The following SON variants were observed in gnomAD, a reference collection of about 807,000 sequenced individuals.
SON encodes protein SON.
SON carries 4 observed loss-of-function variants against 173.3 expected under a neutral mutation model. The ratio of observed to expected loss-of-function variants is 0.02; its 90% CI spans 0.01 to 0.05. The LOEUF is 0.05. Ranked by LOEUF, SON falls within the 10% of genes least tolerant of loss-of-function variation. The pLI is 1.00. For synonymous variants in SON, 1,190 were observed against 1,105.9 expected (o/e 1.08, Z -1.51); for missense variants, 2,626 against 3,055.3 (o/e 0.86, Z 3.31).
rs772285626 is a variant in SON at position 33,554,207 on chromosome 21, T to C, written c.4976T>C (p.Leu1659Ser). The C allele has an allele frequency of 6.8e-6, 11 of 1,614,090 alleles. No homozygotes were observed. The African/African-American group carries it at 1.2e-4, about 18-fold the overall frequency. The change falls in exon 3 of 12, where the codon TTG becomes TCG. Residue 1659 changes from leucine to serine, a missense_variant. Physicochemically the swap from Leu to Ser is moderately radical, Grantham distance 145. Around this residue, in one of 13 missense-constraint regions of SON, gnomAD observed 1,006 missense variants for 895.6 expected, o/e 1.12. Coordinates refer to ENST00000356577, the MANE Select transcript of SON (RefSeq NM_138927.4). Reference sequence around the variant, plus strand: ...AGTGAAGCTGACATTGAAGGGCCTTTGCCTGCTAAAGATATTCATCTTGAT... The same window carrying C: ...AGTGAAGCTGACATTGAAGGGCCTTCGCCTGCTAAAGATATTCATCTTGAT... ...GGSEADIEGP[L>S]PAKDIHLDLP...
chr21:33,568,829 T>C (rs1049875135), intron 7 of SON, 142 bp from the exon 8 acceptor site: 14 of 556,962 alleles, frequency 2.5e-5, no homozygotes, highest in African/African-American at 2.5e-4. Context: ...CTTTAGAAAG[T>C]TTAGGCAAAC....
intron 2 of SON, among the ~76,000 whole-genome samples, chr21:33,547,801 G>A (rs749411120): frequency 1.5e-5 from 2 of 132,776 alleles, no homozygotes; most frequent in East Asian, 5.2e-4. Context: ...TGCAAGCTCC[G>A]CCTCCCGGGT....
In SON at chr21:33,552,976, C is replaced by A; in HGVS notation, c.3745C>A (p.Pro1249Thr). The change falls in exon 3 of 12, where the codon CCA (proline) becomes ACA (threonine). Residue 1249 changes from proline (P) to threonine (T), a missense_variant. Pro to Thr is a conservative substitution (Grantham distance 38). Coordinates refer to ENST00000356577, the MANE Select transcript of SON (RefSeq NM_138927.4). This position sits in a 1 kb window ranked among gnomAD's most constrained non-coding sequence, Gnocchi z 5.6. ...AGTATCAGAGGCTGCTGTGACTGTT[C>A]CAGAACCACCACCAGAGCCAGAATC... ...VLVSEAAVTV[P>T]EPPPEPESSI... 4 of 1,609,916 alleles carry A rather than the reference C, an allele frequency of 2.5e-6. No homozygotes were observed. The highest frequency in any genetic ancestry group is 2.6e-6 in the Non-Finnish European group (3 of 1,176,030).
Position 33,546,240 on chromosome 21 carries a change from T to C in SON, c.105T>C (p.Gly35=), listed in dbSNP as rs951921467. 1.2e-6 allele frequency: 2 copies of C among 1,611,946 alleles called. No homozygotes were observed. Among genetic ancestry groups the C allele is most frequent in the African/African-American group, 2.7e-5 (2 of 74,908 alleles). ...GAAGGAATGAAGGCCAGCTGAATGGTGAAACAAATACACCCATTGAAGGAA... is the reference window on the plus strand; with the variant it reads ...GAAGGAATGAAGGCCAGCTGAATGGCGAAACAAATACACCCATTGAAGGAA... The part of the protein sequence containing the change: ...SSGRNEGQLN[G]ETNTPIEGNQ... Residue 35 remains glycine (G), a synonymous_variant, in exon 2 of 12, where the codon GGT becomes GGC. Coordinates refer to ENST00000356577, the MANE Select transcript of SON (RefSeq NM_138927.4).
chr21:33,550,381 C>T lies in SON; in HGVS notation c.1150C>T (p.Pro384Ser), dbSNP rs372312567. ...ESSVASAMELPGPPATSMPEL... is the reference protein window; with the variant it reads ...ESSVASAMELSGPPATSMPEL... Reference sequence around the variant, plus strand: ...GTCGGTGGCCTCAGCGATGGAGTTGCCGGGGCCACCTGCGACCTCCATGCC... The same window carrying T: ...GTCGGTGGCCTCAGCGATGGAGTTGTCGGGGCCACCTGCGACCTCCATGCC... Residue 384 changes from proline (P) to serine (S), a missense_variant, in exon 3 of 12, where the codon CCG becomes TCG. This residue lies in a region of SON where 757 missense variants were observed against 730.1 expected (regional missense o/e 1.04). Coordinates refer to ENST00000356577, the MANE Select transcript of SON (RefSeq NM_138927.4). The T allele has an allele frequency of 1.1e-5, 18 of 1,613,952 alleles. No individual in the cohort carries two copies. Among genetic ancestry groups the T allele is most frequent in the Non-Finnish European group, 1.4e-5 (17 of 1,180,020 alleles).
intron 2 of SON, chr21:33,547,119 C>G (rs1333802919): frequency 6.6e-6 from 1 of 152,090 alleles, no homozygotes; most frequent in Non-Finnish European, 1.5e-5. Flanking sequence ...GGATTACAGG[C>G]GCCTGCCACC....
At position 33,552,337 on chromosome 21, in the gene SON, G is replaced by T; in HGVS notation, c.3106G>T (p.Ala1036Ser). 6.2e-7 allele frequency: 1 copy of T among 1,613,162 alleles called. No individual in the cohort carries two copies. The highest frequency in any genetic ancestry group is 8.5e-7 in the Non-Finnish European group (1 of 1,179,478). Reference protein sequence around the residue: ...SPMAERSMMSAYERSMMSAYE... With the variant: ...SPMAERSMMSSYERSMMSAYE... The stretch of plus-strand genomic sequence containing the variant: ...TATGGCTGAACGCTCTATGATGTCA[G>T]CCTACGAGCGCTCTATGATGTCAGC... The change falls in exon 3 of 12, where the codon GCC becomes TCC. Residue 1036 changes from alanine to serine, a missense_variant. By Grantham distance (99) the Ala-to-Ser change is moderately conservative (BLOSUM62 1). This residue lies in a region of SON where 366 missense variants were observed against 448.6 expected (regional missense o/e 0.82). Transcript: ENST00000356577. The surrounding 1 kb of genome is among the most constrained non-coding windows in gnomAD (Gnocchi z 5.6).
At chr21:33,545,164 A>C (rs1176402363) in intron 1 of SON, among the ~76,000 whole-genome samples, 1 of 152,198 alleles carries the variant, frequency 6.6e-6, no homozygotes, top group Non-Finnish European at 1.5e-5. Flanking sequence ...TGTGACCTTC[A>C]GCTAAGTTTC....
At position 33,575,900 on chromosome 21, in the gene SON, A is replaced by G; in HGVS notation, c.7221+7A>G. 7.4e-7 allele frequency: 1 copy of G among 1,358,736 alleles called. No homozygotes were observed. Among genetic ancestry groups the G allele is most frequent in the Non-Finnish European group, 1.0e-6 (1 of 958,828 alleles). The allele number at this position is 1,358,736 out of a possible 1,614,324, so 84.2% of individuals were successfully genotyped here. ...CAAACATTTTCTCTTTAGGGTAAAT[A>G]TGAATTTCTGCATTAATTATATATA... On this transcript the variant is annotated splice_region_variant and intron_variant, in intron 11 of 11. Coordinates refer to ENST00000356577, the MANE Select transcript of SON (RefSeq NM_138927.4).
At chr21:33,569,256 A>G (rs2086233715) in intron 8 of SON, 169 bp downstream of exon 8, 1 of 547,844 alleles carries the variant, frequency 1.8e-6, no homozygotes, top group South Asian at 2.4e-5. Context: ...GATTCATGAG[A>G]AAATGGCAAA....
chr21:33,575,723 T>G, intron 10 of SON, 55 bp from the exon 11 acceptor site: 1 of 1,573,960 alleles, frequency 6.4e-7, no homozygotes, highest in South Asian at 1.1e-5. Flanking sequence ...AATTCATTAT[T>G]TGTTGCAGAA....
intron 7 of SON, among the ~76,000 whole-genome samples, chr21:33,567,955 T>C (rs975622980): frequency 6.6e-6 from 1 of 152,068 alleles, no homozygotes; most frequent in African/African-American, 2.4e-5. Flanking sequence ...GTCACACAAC[T>C]AATTAGTGGG....
Position 33,549,739 on chromosome 21 carries a change from C to T in SON, c.508C>T (p.Pro170Ser), listed in dbSNP as rs1483873948. The T allele has an allele frequency of 1.9e-6, 3 of 1,613,956 alleles. No individual in the cohort carries two copies. The highest frequency in any genetic ancestry group is 2.7e-5 in the African/African-American group (2 of 74,932). Reference protein sequence around the residue: ...SEPSAVALELPTRAFGPSETN... With the variant: ...SEPSAVALELSTRAFGPSETN... ...ACCTTCAGCTGTGGCGCTGGAGCTT[C>T]CTACAAGAGCATTTGGCCCATCTGA... The change falls in exon 3 of 12, where the codon CCT (proline) becomes TCT (serine). Residue 170 changes from proline to serine, a missense_variant. By Grantham distance (74) the Pro-to-Ser change is moderately conservative. Coordinates refer to ENST00000356577, the MANE Select transcript of SON (RefSeq NM_138927.4).
intron 6 of SON, among the ~76,000 whole-genome samples, chr21:33,563,575 T>C (rs2086109768): frequency 6.6e-6 from 1 of 152,214 alleles, no homozygotes; most frequent in Non-Finnish European, 1.5e-5. Context: ...ATTTTCCTTA[T>C]CTGACTCACC....
In SON at chr21:33,551,272, C is replaced by G. The variant is rs2145821981; in HGVS notation, c.2041C>G (p.Leu681Val). The change falls in exon 3 of 12, where the codon CTG (leucine) becomes GTG (valine). Residue 681 changes from leucine to valine, a missense_variant. By Grantham distance (32) the Leu-to-Val change is conservative (BLOSUM62 1). Transcript: ENST00000356577. ...CCTGGAGGTGCCCTCGACGACAGCG[C>G]TGGAATCCTATAATACGGTAGCACA... ...QSLEVPSTTA[L>V]ESYNTVAQEL... The G allele has an allele frequency of 6.2e-7, 1 of 1,614,140 alleles. No homozygotes were observed. The highest frequency in any genetic ancestry group is 8.5e-7 in the Non-Finnish European group (1 of 1,179,990).
At chr21:33,543,452 G>A in intron 1 of SON, 2 of 458,260 alleles carry the variant, frequency 4.4e-6, no homozygotes, top group East Asian at 4.2e-5. Context: ...CCCCCCTGCC[G>A]TTTAGCTACT....
Position 33,557,370 on chromosome 21 carries a change from G to T in SON, c.6321+54G>T. On this transcript the variant is annotated intron_variant, in intron 4 of 11. Coordinates refer to ENST00000356577, the MANE Select transcript of SON (RefSeq NM_138927.4). The stretch of plus-strand genomic sequence containing the variant: ...TTAAATGGATTATTCCAGTGATGTT[G>T]ACTCTGGAGCGTGCCAAAACCCGAA... 4 of 1,593,410 alleles carry T rather than the reference G, an allele frequency of 2.5e-6. No homozygotes were observed. The South Asian group carries it at 4.5e-5, about 18-fold the overall frequency.
Position 33,574,024 on chromosome 21 carries a change from G to A in SON, c.7033+569G>A, listed in dbSNP as rs564938145. ...CATCTTGGAACTGTTAGCATTGACT[G>A]TATTTTCCTTTTACCTTCAGATACC... On this transcript the variant is annotated intron_variant, in intron 9 of 11. Transcript: ENST00000356577. 3.3e-5 allele frequency among the ~76,000 whole-genome samples: 5 copies of A among 152,332 alleles called. No homozygotes were observed. In the East Asian group the frequency reaches 9.6e-4, roughly 29 times the overall value.
At position 33,552,872 on chromosome 21, in the gene SON, C is replaced by T; in HGVS notation, c.3641C>T (p.Pro1214Leu). 1.9e-6 allele frequency: 3 copies of T among 1,613,882 alleles called. No individual in the cohort carries two copies. Among genetic ancestry groups the T allele is most frequent in the Non-Finnish European group, 2.5e-6 (3 of 1,179,792 alleles). Residue 1214 changes from proline to leucine, a missense_variant, in exon 3 of 12, where the codon CCT becomes CTT. Coordinates refer to ENST00000356577, the MANE Select transcript of SON (RefSeq NM_138927.4). The surrounding 1 kb of genome is among the most constrained non-coding windows in gnomAD (Gnocchi z 5.6). ...GAGTCTGTATCGCAGCCTGAGCCTC[C>T]TGTGAGTCAAAGTGAGATTTCGGAG... ...SEESVSQPEP[P>L]VSQSEISEPS...
Sources: gnomAD v4.1 joint callset for allele counts (sites outside exome capture counted in the v4.1 genomes callset) on GRCh38, gnomAD v4.1.1 for gene constraint, gnomAD v4.1.1 regional missense constraint, Gnocchi (gnomAD v3.1) non-coding constraint, MANE v1.5 for transcripts, NCBI Gene and HGNC (gene_info 2026-07-23, HGNC 2026-07-21) for gene names.